Variants in RBFOX1 observed in about 807,000 individuals in gnomAD.
RBFOX1 encodes the protein RNA binding protein fox-1 homolog 1.
RBFOX1 carries 8 observed loss-of-function variants against 57.7 expected under a neutral mutation model. The observed-to-expected ratio is 0.14, with a 90% confidence interval of 0.08 to 0.25. The LOEUF (loss-of-function observed/expected upper bound fraction) is 0.25. RBFOX1 is among the 10% of genes least tolerant of loss of function. The pLI is 1.00. For missense variants in RBFOX1, 611 were observed against 548.5 expected, an observed-to-expected ratio of 1.11 and a Z score of -1.14; for synonymous variants, 326 against 222.4, an observed-to-expected ratio of 1.47 and a Z score of -4.15.
At chr16:6,912,983 C>G (rs1356737700) in intron 3 of RBFOX1, among the ~76,000 whole-genome samples, 1 of 151,974 alleles carries the variant, frequency 6.6e-6, no homozygotes, top group African/African-American at 2.4e-5. Context: ...CTGGCTGTTA[C>G]CCAACACTGT....
At chr16:5,277,431 C>A (rs532040850) in intron 1 of RBFOX1, among the ~76,000 whole-genome samples, 1 of 150,702 alleles carries the variant, frequency 6.6e-6, no homozygotes, top group African/African-American at 2.5e-5. Context: ...ACCACCTGTT[C>A]CCTAAAAACT....
At chr16:6,481,246 G>A (rs1188531874) in intron 2 of RBFOX1, among the ~76,000 whole-genome samples, 1 of 152,154 alleles carries the variant, frequency 6.6e-6, no homozygotes, top group Non-Finnish European at 1.5e-5. Flanking sequence ...GTATCATCTT[G>A]CCTTGTAGTT....
At chr16:6,852,887 A>G (rs2094144827) in intron 3 of RBFOX1, among the ~76,000 whole-genome samples, 1 of 151,970 alleles carries the variant, frequency 6.6e-6, no homozygotes, top group Non-Finnish European at 1.5e-5. Flanking sequence ...GCTGGGAACT[A>G]GCTGTCCACA....
chr16:6,029,688 G>C (rs1395229744), intron 1 of RBFOX1, among the ~76,000 whole-genome samples: 2 of 151,242 alleles, frequency 1.3e-5, no homozygotes. Context: ...CAGGAGAACG[G>C]CGTGAACATG....
chr16:5,744,236 C>G (rs544395516), intron 3 of RBFOX1, among the ~76,000 whole-genome samples: 2 of 152,302 alleles, frequency 1.3e-5, no homozygotes, highest in East Asian at 1.9e-4. Flanking sequence ...CTCAAACATT[C>G]TCTGTTTCTT....
In RBFOX1 at chr16:6,440,801, G is replaced by GAAA. The variant is rs140805062; in HGVS notation, c.-64+123761_-64+123763dup. ...GGGTGACAGAGCGAGACACCATCTG[G>GAAA]AAAAAAAAAAAAAAAAAAATCAGTA... On this transcript the variant is annotated intron_variant, in intron 2 of 15. Transcript: ENST00000550418. 1.9e-4 allele frequency among the ~76,000 whole-genome samples: 23 copies of GAAA among 118,562 alleles called. 1 individual carries two copies. The highest frequency in any genetic ancestry group is 6.3e-4 in the Admixed American group (7 of 11,108). The allele number at this position is 118,562 out of a possible 152,430, so 77.8% of individuals were successfully genotyped here. A position where few individuals can be genotyped will look rare whatever the true frequency, so the allele number is the denominator to read the frequency against.
At chr16:6,297,619 C>A (rs138444821) in intron 1 of RBFOX1, among the ~76,000 whole-genome samples, 5 of 152,136 alleles carry the variant, frequency 3.3e-5, no homozygotes, top group African/African-American at 9.7e-5. Context: ...AGCCTGGATA[C>A]TTGTGGCCTT....
intron 3 of RBFOX1, among the ~76,000 whole-genome samples, chr16:5,753,472 A>G (rs1016465715): frequency 1.3e-5 from 2 of 152,202 alleles, no homozygotes; most frequent in African/African-American, 4.8e-5. Flanking sequence ...CATATGGTAG[A>G]CAGAGGAATC....
intron 1 of RBFOX1, among the ~76,000 whole-genome samples, chr16:6,186,049 G>A (rs547670304): frequency 1.7e-4 from 26 of 152,266 alleles, no homozygotes; most frequent in South Asian, 1.0e-3. Flanking sequence ...TTCTTGCAAC[G>A]GAAGTAGGAG....
At chr16:5,462,240 C>T (rs140135988) in intron 1 of RBFOX1, among the ~76,000 whole-genome samples, 5,890 of 149,124 alleles carry the variant, frequency 0.039, 413 homozygotes, top group African/African-American at 0.14. Context: ...ACTATCTCGG[C>T]TCACTGCAAG....
chr16:5,357,721 C>T (rs1199486549), intron 1 of RBFOX1, among the ~76,000 whole-genome samples: 6 of 152,314 alleles, frequency 3.9e-5, no homozygotes, highest in East Asian at 3.9e-4. Context: ...CCTTGGAATC[C>T]GTCAGGAGAG....
intron 3 of RBFOX1, among the ~76,000 whole-genome samples, chr16:7,002,683 G>A (rs1016027195): frequency 1.3e-5 from 2 of 152,206 alleles, no homozygotes; most frequent in African/African-American, 4.8e-5. Flanking sequence ...CTGCACTCCA[G>A]CCTGGTGATA....
intron 3 of RBFOX1, among the ~76,000 whole-genome samples, chr16:6,763,216 A>G (rs575036838): frequency 4.7e-4 from 71 of 152,338 alleles, no homozygotes; most frequent in Non-Finnish European, 7.5e-4. Context: ...AAGATGTTCA[A>G]TAATTATTTG....
In RBFOX1 at chr16:6,359,117, G is replaced by T. The variant is rs143892701; in HGVS notation, c.-64+42060G>T. On this transcript the variant is annotated intron_variant, in intron 2 of 15. Coordinates refer to ENST00000550418, the MANE Select transcript of RBFOX1 (RefSeq NM_018723.4). Reference sequence around the variant, plus strand: ...TTGTTTGTTTGTTTGTTTTGAGACGGAGTCTAGCTCTGTCACCCAGGCTGG... The same window carrying T: ...TTGTTTGTTTGTTTGTTTTGAGACGTAGTCTAGCTCTGTCACCCAGGCTGG... Among the ~76,000 whole-genome samples, 535 of 151,674 alleles carry T rather than the reference G, an allele frequency of 3.5e-3. 8 individuals are homozygous for T. Among genetic ancestry groups the T allele is most frequent in the Admixed American group, 0.031 (475 of 15,262 alleles).
intron 5 of RBFOX1, among the ~76,000 whole-genome samples, chr16:7,532,933 C>T (rs142418534): frequency 1.4e-3 from 213 of 152,330 alleles, no homozygotes; most frequent in South Asian, 5.0e-3. Context: ...ATTCAGGCAT[C>T]GGGCCATTTT....
At chr16:7,205,955 T>A (rs1401823797) in intron 4 of RBFOX1, among the ~76,000 whole-genome samples, 1 of 152,258 alleles carries the variant, frequency 6.6e-6, no homozygotes, top group African/African-American at 2.4e-5. Flanking sequence ...GGTTTTCTCA[T>A]ACGATTTGAT....
At chr16:7,397,510 T>G (rs370407708) in intron 4 of RBFOX1, among the ~76,000 whole-genome samples, 2 of 152,098 alleles carry the variant, frequency 1.3e-5, no homozygotes, top group East Asian at 3.9e-4. Context: ...AAGAACCCAC[T>G]GGTGACAGAG....
At chr16:7,120,108 C>T (rs902036058) in intron 4 of RBFOX1, among the ~76,000 whole-genome samples, 2 of 151,896 alleles carry the variant, frequency 1.3e-5, no homozygotes, top group African/African-American at 4.8e-5. Context: ...ACCCATAGTT[C>T]AAAGAGGAAG....
At chr16:7,526,351 A>G (rs115278409) in intron 5 of RBFOX1, among the ~76,000 whole-genome samples, 219 of 152,330 alleles carry the variant, frequency 1.4e-3, no homozygotes, top group African/African-American at 5.1e-3. Context: ...CCTCTAGCTT[A>G]GACAAACAGG....
Sources: allele counts gnomAD v4.1 joint callset (sites outside exome capture counted in the v4.1 genomes callset), GRCh38; gene constraint gnomAD v4.1.1; transcripts MANE v1.5; gene names NCBI Gene and HGNC (gene_info 2026-07-23, HGNC 2026-07-21).